The following GDNF variants were observed in gnomAD, a reference collection of about 807,000 sequenced individuals.
The protein encoded by GDNF is glial cell derived neurotrophic factor, also known as glial cell line-derived neurotrophic factor.
Under a neutral mutation model 13.7 loss-of-function variants are expected in GDNF, and 5 were observed. That is an observed-to-expected ratio of 0.36 (90% CI 0.19 to 0.77). GDNF has a LOEUF of 0.77. GDNF is among the 30% of genes least tolerant of loss of function. GDNF has a pLI of 0.51. For missense variants in GDNF, 246 were observed against 274.3 expected (o/e 0.90, Z 0.73); for synonymous variants, 122 against 112.5 (o/e 1.08, Z -0.53).
chr5:37,836,376 TC>T (rs1750705815), intron 1 of GDNF, among the ~76,000 whole-genome samples: 2 of 151,890 alleles, frequency 1.3e-5, no homozygotes, highest in Admixed American at 1.3e-4. Flanking sequence ...AGCCTTTAAT[TC>T]GGCCGCCACC....
intron 2 of GDNF, among the ~76,000 whole-genome samples, chr5:37,829,192 T>C (rs745530839): frequency 2.6e-5 from 4 of 152,246 alleles, no homozygotes; most frequent in Admixed American, 1.3e-4. Context: ...CTCCTCTTTG[T>C]TCCACTGTCC....
In GDNF at chr5:37,815,615, C is replaced by T. The variant is rs775849560; in HGVS notation, c.*36G>A. 10 of 1,600,588 alleles carry T rather than the reference C, an allele frequency of 6.2e-6. No homozygotes were observed. Among genetic ancestry groups the T allele is most frequent in the Non-Finnish European group, 8.6e-6 (10 of 1,167,890 alleles). ...CTTGGTCCCTTTCTTTGCACTGTAG[C>T]AGGAATGCAATACACAGCAGTCTCT... On this transcript the variant is annotated 3_prime_UTR_variant, in exon 3 of 3. Transcript: ENST00000326524. The surrounding 1 kb of genome is among the most constrained non-coding windows in gnomAD (Gnocchi z 5.0).
intron 2 of GDNF, among the ~76,000 whole-genome samples, chr5:37,821,064 T>A (rs1356475455): frequency 6.6e-6 from 1 of 152,138 alleles, no homozygotes; most frequent in Admixed American, 6.5e-5. Flanking sequence ...ACTAAATGAG[T>A]TCATTCTTAG....
chr5:37,816,268 G>T, intron 2 of GDNF, 133 bp from the exon 3 acceptor site: 1 of 825,446 alleles, frequency 1.2e-6, no homozygotes, highest in Non-Finnish European at 2.0e-6. Flanking sequence ...TTAAGCTATA[G>T]GACCACTGTA....
Position 37,838,351 on chromosome 5 carries a change from G to T in GDNF, c.-27+1156C>A, listed in dbSNP as rs1403326083. 6.6e-6 allele frequency among the ~76,000 whole-genome samples: 1 copy of T among 152,242 alleles called. No individual in the cohort carries two copies. Among genetic ancestry groups the T allele is most frequent in the African/African-American group, 2.4e-5 (1 of 41,466 alleles). ...AGGCGCAGCGAAACAGTACGAGTTT[G>T]GTCGAGGCCGGCTTTGACGGCTTTG... is the stretch of plus-strand genomic sequence containing the variant. On this transcript the variant is annotated intron_variant, in intron 1 of 2. Transcript: ENST00000326524. The surrounding 1 kb of genome is among the most constrained non-coding windows in gnomAD (Gnocchi z 4.1).
intron 2 of GDNF, among the ~76,000 whole-genome samples, chr5:37,822,567 C>T (rs1182926206): frequency 2.6e-5 from 4 of 152,086 alleles, no homozygotes; most frequent in Non-Finnish European, 2.9e-5. Context: ...TGACATGTAG[C>T]GGTTCCTATG....
intron 2 of GDNF, chr5:37,824,092 A>G (rs1397824318): frequency 9.3e-6 from 9 of 965,546 alleles, no homozygotes; most frequent in Non-Finnish European, 1.1e-5. Flanking sequence ...CCTGTGCCCT[A>G]TTTAAGAGAG....
rs1337421098 is a variant in GDNF at position 37,838,696 on chromosome 5, C to A, written c.-27+811G>T. ...CGTTTTTCTTCGTTGGGGCAGGAAA[C>A]AAACCACCAGTGCGGAATTAGCCTC... On this transcript the variant is annotated intron_variant, in intron 1 of 2. Coordinates refer to ENST00000326524, the MANE Select transcript of GDNF (RefSeq NM_000514.4). This position sits in a 1 kb window ranked among gnomAD's most constrained non-coding sequence, Gnocchi z 4.1. Among the ~76,000 whole-genome samples, 1 of 152,198 alleles carries A rather than the reference C, an allele frequency of 6.6e-6. No homozygotes were observed. The highest frequency in any genetic ancestry group is 1.5e-5 in the Non-Finnish European group (1 of 68,042).
At chr5:37,821,178 T>G (rs948381436) in intron 2 of GDNF, among the ~76,000 whole-genome samples, 1 of 152,174 alleles carries the variant, frequency 6.6e-6, no homozygotes, top group Admixed American at 6.5e-5. Flanking sequence ...TTAATTCTTC[T>G]GCAGAGGCCT....
rs546252794 is a variant in GDNF at position 37,837,323 on chromosome 5, G to T, written c.-27+2184C>A. Among the ~76,000 whole-genome samples, 169 of 152,338 alleles carry T rather than the reference G, an allele frequency of 1.1e-3. No homozygotes were observed. The highest frequency in any genetic ancestry group is 3.9e-3 in the African/African-American group (161 of 41,592). On this transcript the variant is annotated intron_variant, in intron 1 of 2. Transcript: ENST00000326524. This position sits in a 1 kb window ranked among gnomAD's most constrained non-coding sequence, Gnocchi z 6.5. The stretch of plus-strand genomic sequence containing the variant: ...CCGCCACGTGCGAGAACCAAGCTCT[G>T]CTCCTCAAGTGACGGGGGCTCTGCT...
chr5:37,834,491 G>A (rs912785294), intron 2 of GDNF, among the ~76,000 whole-genome samples, 155 bp downstream of exon 2: 3 of 152,140 alleles, frequency 2.0e-5, no homozygotes, highest in African/African-American at 7.2e-5. Context: ...GGGCAGCCAG[G>A]CACCCCTGGG....
intron 2 of GDNF, among the ~76,000 whole-genome samples, chr5:37,834,125 T>C (rs1445736500): frequency 6.6e-6 from 1 of 152,242 alleles, no homozygotes; most frequent in Non-Finnish European, 1.5e-5. Flanking sequence ...ACCCAGACGC[T>C]TGTTCTGGAA....
intron 2 of GDNF, among the ~76,000 whole-genome samples, chr5:37,827,817 G>T (rs1380926784): frequency 6.6e-6 from 1 of 152,162 alleles, no homozygotes. Flanking sequence ...TTTGCCAAAA[G>T]AATATTTAAA....
rs1749780398 is a variant in GDNF at position 37,813,073 on chromosome 5, G to T, written c.*2578C>A. The T allele has an allele frequency of 6.6e-6, 1 of 152,236 alleles. No homozygotes were observed. The highest frequency in any genetic ancestry group is 1.5e-5 in the Non-Finnish European group (1 of 68,066). 9.4% of individuals were successfully genotyped at this position (152,236 alleles called of 1,614,324 possible). On this transcript the variant is annotated 3_prime_UTR_variant, in exon 3 of 3. Coordinates refer to ENST00000326524, the MANE Select transcript of GDNF (RefSeq NM_000514.4). ...CTGCCAAGGTTCTCTGAATGGGACA[G>T]ATGCCCCTGGGGCCACATCCAAATT...
intron 2 of GDNF, 97 bp downstream of exon 2, chr5:37,834,549 C>A: frequency 1.8e-6 from 2 of 1,140,846 alleles, no homozygotes; most frequent in Non-Finnish European, 2.4e-6. Context: ...GGCCACACAG[C>A]CATCAGGCTG....
chr5:37,823,200 A>C (rs1750199372), intron 2 of GDNF: 1 of 152,252 alleles, frequency 6.6e-6, no homozygotes, highest in Non-Finnish European at 1.5e-5. Flanking sequence ...CATAGGACTA[A>C]TAAATGTGGA....
rs1215104248 is a variant in GDNF at position 37,837,131 on chromosome 5, C to T, written c.-26-2309G>A. Among the ~76,000 whole-genome samples, 2 of 152,166 alleles carry T rather than the reference C, an allele frequency of 1.3e-5. No individual in the cohort carries two copies. Among genetic ancestry groups the T allele is most frequent in the South Asian group, 2.1e-4 (1 of 4,826 alleles). ...GGAAAAGGGGGGAGGTTGGGGGACT[C>T]GGCACACACAGCGTCTACTAGGACG... On this transcript the variant is annotated intron_variant, in intron 1 of 2. Transcript: ENST00000326524. This position sits in a 1 kb window ranked among gnomAD's most constrained non-coding sequence, Gnocchi z 6.5.
At chr5:37,824,957 T>G (rs998553395) in intron 2 of GDNF, among the ~76,000 whole-genome samples, 8 of 152,216 alleles carry the variant, frequency 5.3e-5, no homozygotes, top group Non-Finnish European at 7.3e-5. Flanking sequence ...ACCACTGTTT[T>G]GTTGTTTTAA....
chr5:37,816,960 A>T (rs1293239044), intron 2 of GDNF, among the ~76,000 whole-genome samples: 1 of 152,258 alleles, frequency 6.6e-6, no homozygotes, highest in Non-Finnish European at 1.5e-5. Flanking sequence ...TTAACAAAAA[A>T]GTCCAGTGAT....
Sources: allele counts gnomAD v4.1 joint callset (sites outside exome capture counted in the v4.1 genomes callset), GRCh38; gene constraint gnomAD v4.1.1; non-coding constraint Gnocchi (gnomAD v3.1); transcripts MANE v1.5; gene names NCBI Gene and HGNC (gene_info 2026-07-23, HGNC 2026-07-21).